The following CD163L1 variants were observed in gnomAD, a reference collection of about 807,000 sequenced individuals.
The protein encoded by CD163L1 is CD163 molecule like 1.
In CD163L1, 124 loss-of-function variants were observed where a neutral mutation model predicts 165.4. That is an observed-to-expected ratio of 0.75 (90% CI 0.65 to 0.87). The LOEUF (loss-of-function observed/expected upper bound fraction) is 0.87, where lower values mean the gene tolerates loss of function less well. Among genes scored for constraint, CD163L1 ranks in the 40% least tolerant of loss-of-function variants. The pLI, the probability that CD163L1 is intolerant of heterozygous loss-of-function variation, is 0.00. For missense variants in CD163L1, 1,525 were observed against 1,799.9 expected (o/e 0.85, Z 2.76); for synonymous variants, 585 against 662.2 (o/e 0.88, Z 1.79).
the CD163L1 span, chr12:7,322,320 T>C: frequency 6.5e-7 from 1 of 1,542,976 alleles, no homozygotes; most frequent in Non-Finnish European, 8.9e-7. Flanking sequence ...GACTTGCCTC[T>C]CCTAGCTGCT....
the CD163L1 span, among the ~76,000 whole-genome samples, chr12:7,329,942 C>T: frequency 3.5e-4 from 54 of 152,278 alleles, 1 homozygote; most frequent in Admixed American, 9.8e-4. Flanking sequence ...CTCAGTTCCA[C>T]GGAGCTGTAT....
downstream of CD163L1, among the ~76,000 whole-genome samples, chr12:7,350,511 G>A (rs998771219): frequency 6.6e-6 from 1 of 151,938 alleles, no homozygotes; most frequent in African/African-American, 2.4e-5. Context: ...CCACATCTTC[G>A]TGTCTCTGCT....
chr12:7,418,220 C>T (rs1948284114), intron 4 of CD163L1, among the ~76,000 whole-genome samples: 1 of 152,092 alleles, frequency 6.6e-6, no homozygotes. Flanking sequence ...TGGAAATCAA[C>T]CCCAAAAGAA....
At chr12:7,397,262 CAA>C (rs1274613730) in intron 7 of CD163L1, among the ~76,000 whole-genome samples, 1 of 152,114 alleles carries the variant, frequency 6.6e-6, no homozygotes, top group Non-Finnish European at 1.5e-5. Context: ...TTGCACTGGA[CAA>C]AGTGGGAAAA....
intron 2 of CD163L1, 111 bp from the exon 3 acceptor site, chr12:7,433,805 C>T: frequency 1.3e-6 from 1 of 773,450 alleles, no homozygotes; most frequent in South Asian, 2.8e-5. Flanking sequence ...GTTATTAGAA[C>T]TTATAGTAGA....
chr12:7,369,568 G>A lies in CD163L1; in HGVS notation c.3828C>T (p.Asp1276=). Residue 1276 remains aspartate, a synonymous_variant, in exon 15 of 20, where the codon GAC becomes GAT. Coordinates refer to ENST00000313599, the MANE Select transcript of CD163L1 (RefSeq NM_174941.6). This position sits in a 1 kb window ranked among gnomAD's most constrained non-coding sequence, Gnocchi z 4.9. ...SWGTVCDDSW[D]LAEAEVVCQQ... ...GACACACCACTTCCGCCTCGGCCAG[G>A]TCCCAGGAGTCATCACACACTGTGC... 1 of 1,614,140 alleles carries A rather than the reference G, an allele frequency of 6.2e-7. No individual in the cohort carries two copies. Among genetic ancestry groups the A allele is most frequent in the Non-Finnish European group, 8.5e-7 (1 of 1,180,030 alleles).
At chr12:7,420,625 A>T (rs1948330030) in intron 4 of CD163L1, among the ~76,000 whole-genome samples, 1 of 152,112 alleles carries the variant, frequency 6.6e-6, no homozygotes. Context: ...ATCACTCATG[A>T]TCAGAGAAAT....
chr12:7,409,079 A>T (rs1223271536), intron 4 of CD163L1, among the ~76,000 whole-genome samples: 2 of 152,210 alleles, frequency 1.3e-5, no homozygotes, highest in South Asian at 2.1e-4. Flanking sequence ...CTACAGATGG[A>T]ATTAGCATTT....
At chr12:7,337,917 A>G in the CD163L1 span, among the ~76,000 whole-genome samples, 1 of 152,326 alleles carries the variant, frequency 6.6e-6, no homozygotes, top group Admixed American at 6.5e-5. Flanking sequence ...AGCCAACCCA[A>G]ATGTCCATCA....
chr12:7,398,603 C>T lies in CD163L1; in HGVS notation c.1409-19G>A. On this transcript the variant is annotated intron_variant, in intron 6 of 19. Coordinates refer to ENST00000313599, the MANE Select transcript of CD163L1 (RefSeq NM_174941.6). This position sits in a 1 kb window ranked among gnomAD's most constrained non-coding sequence, Gnocchi z 4.5. ...GCCTTATCTGCAAGCAAGACAAAAC[C>T]ACATATTTGAGATCAAATGAGAGAG... 1 of 1,527,910 alleles carries T rather than the reference C, an allele frequency of 6.5e-7. No individual in the cohort carries two copies. The highest frequency in any genetic ancestry group is 8.8e-7 in the Non-Finnish European group (1 of 1,141,202). 94.6% of individuals were successfully genotyped at this position (1,527,910 alleles called of 1,614,324 possible). A position where few individuals can be genotyped will look rare whatever the true frequency, so the allele number is the denominator to read the frequency against.
At chr12:7,363,176 T>C (rs1946942066) in intron 18 of CD163L1, among the ~76,000 whole-genome samples, 1 of 151,788 alleles carries the variant, frequency 6.6e-6, no homozygotes, top group Admixed American at 6.6e-5. Flanking sequence ...AGGCATGGTG[T>C]CATGTGCCTG....
chr12:7,351,274 T>C (rs981673576), downstream of CD163L1, among the ~76,000 whole-genome samples: 6 of 152,170 alleles, frequency 3.9e-5, no homozygotes, highest in African/African-American at 1.2e-4. Context: ...TCTGCTGAGA[T>C]GAGTACGTCT....
At chr12:7,401,178 A>C (rs1947909546) in intron 6 of CD163L1, among the ~76,000 whole-genome samples, 1 of 152,160 alleles carries the variant, frequency 6.6e-6, no homozygotes. Flanking sequence ...TCACTGTAAA[A>C]TAGAGATAGA....
chr12:7,319,339 C>G, the CD163L1 span, among the ~76,000 whole-genome samples: 1 of 152,088 alleles, frequency 6.6e-6, no homozygotes, highest in Non-Finnish European at 1.5e-5. Context: ...CAGGCATAAT[C>G]CCAGCACTTT....
chr12:7,439,006 C>T, intron 2 of CD163L1: 2 of 1,604,910 alleles, frequency 1.2e-6, no homozygotes, highest in Non-Finnish European at 1.7e-6. Flanking sequence ...TCTTCTTTTT[C>T]CTCCTGCCTC....
chr12:7,434,714 G>C (rs200986392), intron 2 of CD163L1, among the ~76,000 whole-genome samples: 6 of 148,592 alleles, frequency 4.0e-5, no homozygotes, highest in South Asian at 2.1e-4. Context: ...GAAAGAGAGA[G>C]AGACAGACAG....
At chr12:7,391,065 C>G (rs911018130) in intron 8 of CD163L1, among the ~76,000 whole-genome samples, 3 of 152,232 alleles carry the variant, frequency 2.0e-5, no homozygotes, top group Admixed American at 6.5e-5. Flanking sequence ...CTGTTGATAC[C>G]CAGGCAAACA....
chr12:7,343,844 C>A (rs1946652280), downstream of CD163L1, among the ~76,000 whole-genome samples: 2 of 152,170 alleles, frequency 1.3e-5, no homozygotes, highest in Non-Finnish European at 2.9e-5. Flanking sequence ...CCTCTAGAGT[C>A]TTAACTCACT....
intron 2 of CD163L1, among the ~76,000 whole-genome samples, chr12:7,434,125 G>T (rs1948680908): frequency 1.3e-5 from 2 of 152,078 alleles, no homozygotes; most frequent in African/African-American, 4.8e-5. Flanking sequence ...CATCTTGTAA[G>T]GTTGACATAA....
Sources: gnomAD v4.1 joint callset for allele counts (sites outside exome capture counted in the v4.1 genomes callset) on GRCh38, gnomAD v4.1.1 for gene constraint, Gnocchi (gnomAD v3.1) non-coding constraint, MANE v1.5 for transcripts, NCBI Gene and HGNC (gene_info 2026-07-23, HGNC 2026-07-21) for gene names.